Variants in SEMA5A observed in about 807,000 individuals in gnomAD.
SEMA5A encodes semaphorin 5A.
Under a neutral mutation model 135.5 loss-of-function variants are expected in SEMA5A, and 55 were observed. That is an observed-to-expected ratio of 0.41 (90% CI 0.33 to 0.51). The LOEUF is 0.51. SEMA5A is among the 20% of genes least tolerant of loss of function. The pLI, the probability that SEMA5A is intolerant of heterozygous loss-of-function variation, is 0.37. For synonymous variants in SEMA5A, 580 were observed against 546.5 expected (o/e 1.06, Z -0.85); for missense variants, 1,290 against 1,419.9 (o/e 0.91, Z 1.47).
At chr5:9,206,251 A>T (rs1561020419) in intron 8 of SEMA5A, among the ~76,000 whole-genome samples, 1 of 152,210 alleles carries the variant, frequency 6.6e-6, no homozygotes, top group Non-Finnish European at 1.5e-5. Flanking sequence ...CTGCTGTGTA[A>T]ACATATGCAT....
At chr5:9,534,275 G>C (rs1579701127) in intron 1 of SEMA5A, among the ~76,000 whole-genome samples, 1 of 152,154 alleles carries the variant, frequency 6.6e-6, no homozygotes, top group Non-Finnish European at 1.5e-5. Flanking sequence ...CCCCAGTCAA[G>C]ATGCTTATTC....
intron 1 of SEMA5A, among the ~76,000 whole-genome samples, chr5:9,509,354 AACCTCC>A (rs751410373): frequency 3.3e-5 from 5 of 152,066 alleles, no homozygotes; most frequent in East Asian, 3.9e-4. Flanking sequence ...GGCTCACTGC[AACCTCC>A]ACCTACCGGG....
At chr5:9,294,966 G>A (rs767439) in intron 5 of SEMA5A, among the ~76,000 whole-genome samples, 20,246 of 151,920 alleles carry the variant, frequency 0.13, 1,414 homozygotes, top group South Asian at 0.19. Context: ...GGTCACTAGC[G>A]CCAAAGCACA....
At chr5:9,384,814 A>C (rs971948884) in intron 2 of SEMA5A, among the ~76,000 whole-genome samples, 14 of 152,192 alleles carry the variant, frequency 9.2e-5, no homozygotes, top group Non-Finnish European at 1.5e-4. Context: ...ACAAGCTGCC[A>C]TGACTTGAAA....
In SEMA5A at chr5:9,135,471, G is replaced by A. The variant is rs528073048; in HGVS notation, c.1599+1033C>T. ...GCTGGGATTACAGGCATGAGCCACC[G>A]TGCCCGGCCTGGTTTTCCGACTTTC... On this transcript the variant is annotated intron_variant, in intron 13 of 22. Coordinates refer to ENST00000382496, the MANE Select transcript of SEMA5A (RefSeq NM_003966.3). 5.9e-5 allele frequency among the ~76,000 whole-genome samples: 9 copies of A among 152,026 alleles called. No individual in the cohort carries two copies. The South Asian group carries it at 1.0e-3, about 18-fold the overall frequency.
At chr5:9,305,510 A>G (rs1212825434) in intron 5 of SEMA5A, among the ~76,000 whole-genome samples, 1 of 151,948 alleles carries the variant, frequency 6.6e-6, no homozygotes, top group Non-Finnish European at 1.5e-5. Flanking sequence ...ACCAGCCATC[A>G]TTGCTTAATC....
chr5:9,460,787 A>G (rs1398377893), intron 1 of SEMA5A, among the ~76,000 whole-genome samples: 1 of 152,210 alleles, frequency 6.6e-6, no homozygotes, highest in Non-Finnish European at 1.5e-5. Context: ...ATCAAATGAA[A>G]TTATTTGCTA....
intron 5 of SEMA5A, among the ~76,000 whole-genome samples, chr5:9,294,569 T>C (rs1448880932): frequency 6.6e-6 from 1 of 152,192 alleles, no homozygotes; most frequent in East Asian, 1.9e-4. Context: ...GCTGTCCTTA[T>C]ACCTTGACGA....
intron 2 of SEMA5A, 34 bp from the exon 3 acceptor site, chr5:9,380,057 G>A: frequency 2.8e-6 from 4 of 1,405,136 alleles, no homozygotes; most frequent in Non-Finnish European, 3.8e-6. Flanking sequence ...TCAGATGACT[G>A]TGAGTTCGTT....
intron 5 of SEMA5A, among the ~76,000 whole-genome samples, chr5:9,278,930 G>A (rs548258532): frequency 7.9e-5 from 12 of 152,362 alleles, no homozygotes; most frequent in Admixed American, 3.9e-4. Context: ...ACCTACAGTA[G>A]GGCAGTGCAG....
chr5:9,116,342 C>T (rs191744525), intron 15 of SEMA5A, among the ~76,000 whole-genome samples: 10 of 152,332 alleles, frequency 6.6e-5, no homozygotes, highest in South Asian at 6.2e-4. Context: ...TATTTGCAGA[C>T]GTCCATTTCT....
At chr5:9,068,491 C>T (rs1737596092) in intron 16 of SEMA5A, among the ~76,000 whole-genome samples, 1 of 152,182 alleles carries the variant, frequency 6.6e-6, no homozygotes, top group Admixed American at 6.5e-5. Flanking sequence ...ACTTATCTCA[C>T]TCTGCCGTTC....
At chr5:9,309,532 C>A (rs1347390133) in intron 5 of SEMA5A, among the ~76,000 whole-genome samples, 1 of 152,104 alleles carries the variant, frequency 6.6e-6, no homozygotes, top group African/African-American at 2.4e-5. Flanking sequence ...ATCCTCCACT[C>A]GAATTTGTCT....
At chr5:9,461,389 A>G (rs1759051571) in intron 1 of SEMA5A, among the ~76,000 whole-genome samples, 1 of 152,246 alleles carries the variant, frequency 6.6e-6, no homozygotes, top group African/African-American at 2.4e-5. Flanking sequence ...AAATGCTTAC[A>G]GCAATAGCAG....
At chr5:9,346,912 G>GTATATATA (rs774727307) in intron 3 of SEMA5A, among the ~76,000 whole-genome samples, 6 of 149,974 alleles carry the variant, frequency 4.0e-5, no homozygotes, top group African/African-American at 1.5e-4. Flanking sequence ...GTGTGTGTGT[G>GTATATATA]TGTATATATA....
At chr5:9,100,992 C>T (rs962864213) in intron 16 of SEMA5A, among the ~76,000 whole-genome samples, 4 of 152,194 alleles carry the variant, frequency 2.6e-5, no homozygotes, top group Admixed American at 2.0e-4. Flanking sequence ...CATCACTTCT[C>T]AGATGCATCT....
chr5:9,431,749 AG>A (rs1207861657), intron 2 of SEMA5A, among the ~76,000 whole-genome samples: 1 of 152,136 alleles, frequency 6.6e-6, no homozygotes, highest in African/African-American at 2.4e-5. Flanking sequence ...TTGAGAGGGC[AG>A]TATCCTTACG....
intron 18 of SEMA5A, among the ~76,000 whole-genome samples, chr5:9,055,897 C>G (rs1281582686): frequency 6.6e-6 from 1 of 150,750 alleles, no homozygotes; most frequent in Non-Finnish European, 1.5e-5. Context: ...AAAAAAAGCT[C>G]TCTCCCATAT....
At chr5:9,152,982 C>G (rs1164786215) in intron 12 of SEMA5A, among the ~76,000 whole-genome samples, 1 of 151,768 alleles carries the variant, frequency 6.6e-6, no homozygotes, top group Admixed American at 6.6e-5. Flanking sequence ...GAAAGAGAAT[C>G]GCTTGAACCC....
Sources: gnomAD v4.1 joint callset for allele counts (sites outside exome capture counted in the v4.1 genomes callset) on GRCh38, gnomAD v4.1.1 for gene constraint, MANE v1.5 for transcripts, NCBI Gene and HGNC (gene_info 2026-07-23, HGNC 2026-07-21) for gene names.